The following SLC24A2 variants were observed in gnomAD, a reference collection of about 807,000 sequenced individuals.
The protein encoded by SLC24A2 is solute carrier family 24 member 2.
Under a neutral mutation model 62.0 loss-of-function variants are expected in SLC24A2, and 36 were observed. The ratio of observed to expected loss-of-function variants is 0.58; its 90% CI spans 0.44 to 0.77. The LOEUF is 0.77. Among genes scored for constraint, SLC24A2 ranks in the 30% least tolerant of loss-of-function variants. The pLI is 0.00. For missense variants in SLC24A2, 846 were observed against 817.9 expected (o/e 1.03, Z -0.42); for synonymous variants, 358 against 294.0 (o/e 1.22, Z -2.23).
chr9:20,118,606 C>T, the SLC24A2 span, among the ~76,000 whole-genome samples: 1 of 151,600 alleles, frequency 6.6e-6, no homozygotes, highest in South Asian at 2.1e-4. Context: ...TTTATATCTA[C>T]AATTCAACCT....
intron 2 of SLC24A2, among the ~76,000 whole-genome samples, chr9:19,649,419 T>C (rs1438906815): frequency 1.3e-5 from 2 of 152,138 alleles, no homozygotes; most frequent in Non-Finnish European, 2.9e-5. Flanking sequence ...AAGAAAGCAC[T>C]AATGTTATAC....
At chr9:20,182,096 C>T in the SLC24A2 span, among the ~76,000 whole-genome samples, 2,850 of 152,234 alleles carry the variant, frequency 0.019, 44 homozygotes, top group Middle Eastern at 0.027. Flanking sequence ...TCACACCAGT[C>T]AGAATGGCAA....
the SLC24A2 span, among the ~76,000 whole-genome samples, chr9:20,283,898 T>G: frequency 1.3e-5 from 2 of 152,156 alleles, no homozygotes; most frequent in Non-Finnish European, 2.9e-5. Context: ...CGCATGCCCA[T>G]CTGAGGCATT....
chr9:20,252,784 T>C, the SLC24A2 span, among the ~76,000 whole-genome samples: 2 of 152,208 alleles, frequency 1.3e-5, no homozygotes, highest in African/African-American at 4.8e-5. Flanking sequence ...TCAGCAAGCA[T>C]GTCTCCAAAA....
At chr9:20,151,835 C>T in the SLC24A2 span, among the ~76,000 whole-genome samples, 1 of 151,632 alleles carries the variant, frequency 6.6e-6, no homozygotes, top group Non-Finnish European at 1.5e-5. Flanking sequence ...TACTAGATCC[C>T]CCAAATTGGT....
the SLC24A2 span, among the ~76,000 whole-genome samples, chr9:20,175,300 T>C: frequency 6.6e-6 from 1 of 151,870 alleles, no homozygotes; most frequent in East Asian, 1.9e-4. Context: ...GCTCAGATGA[T>C]GTGTGCACCA....
the SLC24A2 span, among the ~76,000 whole-genome samples, chr9:19,961,019 GGTGGGTGTGT>G: frequency 3.7e-5 from 3 of 80,334 alleles, no homozygotes; most frequent in Non-Finnish European, 8.6e-5. Context: ...GGATTAGAGG[GGTGGGTGTGT>G]GTGTGTGTGT....
At chr9:19,754,576 G>A (rs1053563049) in intron 2 of SLC24A2, among the ~76,000 whole-genome samples, 2 of 151,988 alleles carry the variant, frequency 1.3e-5, no homozygotes, top group Admixed American at 6.6e-5. Context: ...ACACTCTCAA[G>A]CTGGATTTAG....
At chr9:20,231,131 C>T in the SLC24A2 span, among the ~76,000 whole-genome samples, 2 of 152,174 alleles carry the variant, frequency 1.3e-5, no homozygotes, top group African/African-American at 2.4e-5. Flanking sequence ...GTTTTGGTTA[C>T]TGTAGCCTTG....
At chr9:19,836,204 G>C in the SLC24A2 span, among the ~76,000 whole-genome samples, 6 of 152,150 alleles carry the variant, frequency 3.9e-5, no homozygotes, top group Non-Finnish European at 7.3e-5. Flanking sequence ...AAAGCTAGCA[G>C]AAGGCAAGAA....
intron 2 of SLC24A2, among the ~76,000 whole-genome samples, chr9:19,742,489 A>G (rs1435975703): frequency 3.9e-5 from 6 of 152,202 alleles, no homozygotes; most frequent in Non-Finnish European, 8.8e-5. Flanking sequence ...GAACTTCAGG[A>G]GAGAAAAGCC....
the SLC24A2 span, among the ~76,000 whole-genome samples, chr9:19,923,186 C>A: frequency 6.6e-6 from 1 of 151,996 alleles, no homozygotes; most frequent in East Asian, 1.9e-4. Flanking sequence ...GCCTAGAAGC[C>A]TTCCATCCTT....
At chr9:20,061,226 T>C in the SLC24A2 span, among the ~76,000 whole-genome samples, 14 of 151,716 alleles carry the variant, frequency 9.2e-5, no homozygotes, top group Non-Finnish European at 1.6e-4. Flanking sequence ...CATATAAAGA[T>C]AGACCTATAT....
At chr9:20,140,748 C>A in the SLC24A2 span, among the ~76,000 whole-genome samples, 1 of 152,018 alleles carries the variant, frequency 6.6e-6, no homozygotes, top group Non-Finnish European at 1.5e-5. Context: ...CACAACCCCC[C>A]ACTTCTCTCA....
chr9:20,077,058 G>T, the SLC24A2 span, among the ~76,000 whole-genome samples: 22 of 151,662 alleles, frequency 1.5e-4, no homozygotes, highest in Admixed American at 7.2e-4. Context: ...AAAAAAAATT[G>T]CATGATCTCA....
intron 5 of SLC24A2, among the ~76,000 whole-genome samples, chr9:19,587,008 C>A (rs1055296852): frequency 1.3e-5 from 2 of 152,174 alleles, no homozygotes; most frequent in Non-Finnish European, 2.9e-5. Flanking sequence ...AGGCAGGCCA[C>A]ATATCCTAAG....
the SLC24A2 span, among the ~76,000 whole-genome samples, chr9:19,880,105 A>G: frequency 2.0e-5 from 3 of 152,186 alleles, no homozygotes; most frequent in Non-Finnish European, 4.4e-5. Context: ...GTATTTCCCT[A>G]TGACTATTTA....
chr9:20,032,458 T>C, the SLC24A2 span, among the ~76,000 whole-genome samples: 2 of 152,238 alleles, frequency 1.3e-5, no homozygotes, highest in Non-Finnish European at 2.9e-5. Context: ...ACATCTTTTG[T>C]GTTTTAGTAT....
At chr9:20,222,319 A>G in the SLC24A2 span, among the ~76,000 whole-genome samples, 1 of 152,036 alleles carries the variant, frequency 6.6e-6, no homozygotes, top group Admixed American at 6.6e-5. Flanking sequence ...TAGAAAACCT[A>G]AAATGAAAGG....
Sources: gnomAD v4.1 joint callset for allele counts (sites outside exome capture counted in the v4.1 genomes callset) on GRCh38, gnomAD v4.1.1 for gene constraint, MANE v1.5 for transcripts, NCBI Gene and HGNC (gene_info 2026-07-23, HGNC 2026-07-21) for gene names.